EXO1: variants seen among roughly 807,000 people sequenced by gnomAD.
The protein encoded by EXO1 is exonuclease 1.
Under a neutral mutation model 84.5 loss-of-function variants are expected in EXO1, and 69 were observed. The observed-to-expected ratio is 0.82, with a 90% CI of 0.67 to 1.00. The LOEUF (loss-of-function observed/expected upper bound fraction) is 1.00. EXO1 is among the 50% of genes least tolerant of loss of function. EXO1 has a pLI of 0.00. For missense variants in EXO1, 1,045 were observed against 1,000.7 expected, an observed-to-expected ratio of 1.04 and a Z score of -0.60; for synonymous variants, 373 against 366.1, an observed-to-expected ratio of 1.02 and a Z score of -0.21.
intron 11 of EXO1, 79 bp downstream of exon 11, chr1:241,867,134 A>G: frequency 7.5e-6 from 8 of 1,059,834 alleles, no homozygotes; most frequent in Non-Finnish European, 8.7e-6. Flanking sequence ...AAAGTCGCGA[A>G]GATTTTCTCC....
At chr1:241,861,598 G>A (rs1003559187) in intron 10 of EXO1, 96 bp downstream of exon 10, 31 of 765,110 alleles carry the variant, frequency 4.1e-5, no homozygotes, top group African/African-American at 2.2e-4. Context: ...TCTTTTAAGC[G>A]TTTCTATATC....
intron 6 of EXO1, among the ~76,000 whole-genome samples, chr1:241,855,559 T>G (rs570540139): frequency 6.6e-6 from 1 of 152,254 alleles, no homozygotes; most frequent in Non-Finnish European, 1.5e-5. Context: ...AAGCTGCCTG[T>G]CAGTCCTGCG....
intron 14 of EXO1, among the ~76,000 whole-genome samples, chr1:241,884,788 G>T (rs1207398771): frequency 6.6e-6 from 1 of 152,170 alleles, no homozygotes; most frequent in African/African-American, 2.4e-5. Flanking sequence ...ACAAAAGAGA[G>T]AACTTTTAAA....
rs974435923 is a variant in EXO1 at position 241,860,413 on chromosome 1, T to G, written c.757-104T>G. Reference sequence around the variant, plus strand: ...AATTTTTTAATGTAGATGAAAGCAGTTAATGTTTCAATCCCTCTTTATGAA... The same window carrying G: ...AATTTTTTAATGTAGATGAAAGCAGGTAATGTTTCAATCCCTCTTTATGAA... On this transcript the variant is annotated intron_variant, in intron 8 of 15. Transcript: ENST00000366548. 5 of 907,444 alleles carry G rather than the reference T, an allele frequency of 5.5e-6. No homozygotes were observed. The Admixed American group carries it at 9.0e-5, about 16-fold the overall frequency. 56.2% of individuals were successfully genotyped at this position (907,444 alleles called of 1,614,324 possible).
Position 241,852,272 on chromosome 1 carries a change from GT to G in EXO1, c.162-15del, listed in dbSNP as rs576630456. On this transcript the variant is annotated intron_variant, in intron 4 of 15. Transcript: ENST00000366548. ...CCTTAAGAAAGGTGAAGCACTGAAT[GT>G]TTTTCTTTTTTTCCATAGGTATGTA... The G allele has an allele frequency of 3.8e-4, 608 of 1,595,276 alleles. 1 individual carries two copies. Among genetic ancestry groups the G allele is most frequent in the Middle Eastern group, 1.7e-3 (10 of 6,014 alleles).
chr1:241,857,292 T>G (rs1661108351), intron 6 of EXO1, 53 bp from the exon 7 acceptor site: 3 of 1,596,902 alleles, frequency 1.9e-6, no homozygotes. Flanking sequence ...CAGGAAGTTG[T>G]TTAGTACTTT....
At chr1:241,884,672 T>TGC (rs1290579693) in intron 14 of EXO1, among the ~76,000 whole-genome samples, 4 of 17,986 alleles carry the variant, frequency 2.2e-4, no homozygotes, top group Non-Finnish European at 7.5e-4. Context: ...TGTGTGTGTG[T>TGC]GTGTGCACGT....
At chr1:241,881,310 G>T (rs1172973916) in intron 13 of EXO1, among the ~76,000 whole-genome samples, 5 of 152,158 alleles carry the variant, frequency 3.3e-5, no homozygotes, top group Non-Finnish European at 7.4e-5. Flanking sequence ...GGGATTACAG[G>T]CATGAGCCAC....
At position 241,860,505 on chromosome 1, in the gene EXO1, A is replaced by T. The variant is rs1661320043; in HGVS notation, c.757-12A>T. The T allele has an allele frequency of 1.3e-6, 2 of 1,595,204 alleles. No individual in the cohort carries two copies. Among genetic ancestry groups the T allele is most frequent in the African/African-American group, 2.7e-5 (2 of 74,562 alleles). ...TTAGTTGCAGATAAAATATTTTTGC[A>T]TGCATTGTTAGGTTATCAAGAAAAT... On this transcript the variant is annotated splice_polypyrimidine_tract_variant and intron_variant, in intron 8 of 15. Coordinates refer to ENST00000366548, the MANE Select transcript of EXO1 (RefSeq NM_130398.4).
At chr1:241,876,881 T>A (rs1020119970) in intron 12 of EXO1, among the ~76,000 whole-genome samples, 6 of 152,064 alleles carry the variant, frequency 3.9e-5, no homozygotes, top group Non-Finnish European at 8.8e-5. Flanking sequence ...TCTTTTTAGT[T>A]GAGTCGTCTT....
At chr1:241,853,104 A>T (rs1027427004) in intron 5 of EXO1, among the ~76,000 whole-genome samples, 16 of 152,336 alleles carry the variant, frequency 1.1e-4, no homozygotes, top group African/African-American at 3.8e-4. Flanking sequence ...TTTGACAAAA[A>T]GAATTGCTGT....
chr1:241,866,872 C>T lies in EXO1; in HGVS notation c.1084C>T (p.Gln362Ter). 4 of 1,614,022 alleles carry T rather than the reference C, an allele frequency of 2.5e-6. No individual in the cohort carries two copies. The highest frequency in any genetic ancestry group is 2.2e-5 in the East Asian group (1 of 44,872). The change falls in exon 11 of 16, where the codon CAA becomes TAA. Residue 362 changes from glutamine to a stop codon, truncating the protein, a stop_gained. Coordinates refer to ENST00000366548, the MANE Select transcript of EXO1 (RefSeq NM_130398.4). LOFTEE classifies it high-confidence loss of function. ...RSHSWDDKTC[Q>*]KSANVSSIWH... is the part of the protein sequence containing the mutation. ...TCATAGTTGGGATGACAAAACATGT[C>T]AAAAGTCAGCTAATGTTAGCAGCAT...
At chr1:241,853,819 C>A (rs544830641) in intron 6 of EXO1, among the ~76,000 whole-genome samples, 2 of 152,174 alleles carry the variant, frequency 1.3e-5, no homozygotes, top group South Asian at 4.1e-4. Context: ...TTGAGACCAT[C>A]CCGGGTAACA....
intron 8 of EXO1, among the ~76,000 whole-genome samples, chr1:241,859,039 C>CA (rs1176589750): frequency 6.6e-6 from 1 of 152,152 alleles, no homozygotes; most frequent in African/African-American, 2.4e-5. Context: ...TAGTGGTTCT[C>CA]AAACTGTTTG....
chr1:241,875,127 C>G (rs1308968015), intron 12 of EXO1, among the ~76,000 whole-genome samples: 1 of 152,204 alleles, frequency 6.6e-6, no homozygotes, highest in Admixed American at 6.5e-5. Context: ...CCTCAGCCTC[C>G]CGAGTAGCTG....
intron 8 of EXO1, 127 bp from the exon 9 acceptor site, chr1:241,860,389 AT>A (rs796085956): frequency 2.7e-6 from 2 of 749,514 alleles, no homozygotes; most frequent in Non-Finnish European, 4.7e-6. Context: ...AGCTGGTAGA[AT>A]TTTTTAATGT....
rs190294680 is a variant in EXO1 at position 241,884,624 on chromosome 1, C to T, written c.2212-690C>T. Among the ~76,000 whole-genome samples, 200 of 150,732 alleles carry T rather than the reference C, an allele frequency of 1.3e-3. 1 individual carries two copies. Among genetic ancestry groups the T allele is most frequent in the Non-Finnish European group, 2.1e-3 (145 of 67,790 alleles). ...TATATTAAGTGAGAAAAATGAAGTG[C>T]ACAACAATGTGTACTATGCTGCCTG... On this transcript the variant is annotated intron_variant, in intron 14 of 15. Coordinates refer to ENST00000366548, the MANE Select transcript of EXO1 (RefSeq NM_130398.4).
At chr1:241,869,008 T>C (rs1661922672) in intron 11 of EXO1, among the ~76,000 whole-genome samples, 1 of 152,240 alleles carries the variant, frequency 6.6e-6, no homozygotes, top group Admixed American at 6.5e-5. Context: ...GGATTTTCTA[T>C]ATAAATGACT....
At chr1:241,863,295 T>C (rs185052680) in intron 10 of EXO1, among the ~76,000 whole-genome samples, 213 of 151,778 alleles carry the variant, frequency 1.4e-3, no homozygotes, top group African/African-American at 5.1e-3. Context: ...TTTTCGTAAA[T>C]AGGGGAGCTG....
Sources: gnomAD v4.1 joint callset for allele counts (sites outside exome capture counted in the v4.1 genomes callset) on GRCh38, gnomAD v4.1.1 for gene constraint, MANE v1.5 for transcripts, NCBI Gene and HGNC (gene_info 2026-07-23, HGNC 2026-07-21) for gene names.